The following IMPG1 variants were observed in gnomAD, a reference collection of about 807,000 sequenced individuals.
IMPG1 encodes interphotoreceptor matrix proteoglycan 1.
Under a neutral mutation model 92.0 loss-of-function variants are expected in IMPG1, and 85 were observed. The observed-to-expected ratio is 0.92, with a 90% CI of 0.78 to 1.11. The LOEUF (loss-of-function observed/expected upper bound fraction) is 1.11, where lower values mean the gene tolerates loss of function less well. IMPG1 is among the 50% of genes least tolerant of loss of function. The probability of loss-of-function intolerance (pLI) is 0.00; values close to 1 mark genes in which losing one functional copy is unlikely to be tolerated. For synonymous variants in IMPG1, 367 were observed against 334.1 expected (o/e 1.10, Z -1.08); for missense variants, 1,022 against 956.0 (o/e 1.07, Z -0.91).
At chr6:76,023,692 T>C (rs1188210773) in intron 5 of IMPG1, among the ~76,000 whole-genome samples, 1 of 152,178 alleles carries the variant, frequency 6.6e-6, no homozygotes, top group African/African-American at 2.4e-5. Context: ...TATATGGTGA[T>C]GATATATCAT....
intron 1 of IMPG1, among the ~76,000 whole-genome samples, chr6:76,064,370 C>CTTTTTTTTTT (rs10706748): frequency 1.5e-5 from 2 of 130,524 alleles, no homozygotes; most frequent in African/African-American, 5.7e-5. Context: ...ATTTTTTTTT[C>CTTTTTTTTTT]TTTTTTTTTT....
At chr6:76,038,412 C>G (rs911113933) in intron 2 of IMPG1, among the ~76,000 whole-genome samples, 2 of 152,058 alleles carry the variant, frequency 1.3e-5, no homozygotes, top group East Asian at 1.9e-4. Context: ...GGCAGGCTTT[C>G]TTTTTTTGTG....
At chr6:75,978,966 C>T (rs766077155) in intron 12 of IMPG1, among the ~76,000 whole-genome samples, 41 of 152,216 alleles carry the variant, frequency 2.7e-4, no homozygotes, top group African/African-American at 9.1e-4. Context: ...GGCTGGAATG[C>T]GGTGACATGA....
intron 1 of IMPG1, among the ~76,000 whole-genome samples, chr6:76,063,664 A>G (rs969742399): frequency 6.6e-6 from 1 of 152,214 alleles, no homozygotes; most frequent in Non-Finnish European, 1.5e-5. Context: ...TGAATGACTG[A>G]GTTCTGCCCA....
chr6:75,980,151 G>A lies in IMPG1; in HGVS notation c.1291+22767C>T, dbSNP rs148886920. On this transcript the variant is annotated intron_variant, in intron 12 of 16. Coordinates refer to ENST00000369950, the MANE Select transcript of IMPG1 (RefSeq NM_001563.4). ...TATTTAAAAAGATGTGCCACAAAAT[G>A]TGAAAATTTGAAGGAGAAATTGGAT... is the stretch of plus-strand genomic sequence containing the variant. Among the ~76,000 whole-genome samples, 7 of 152,284 alleles carry A rather than the reference G, an allele frequency of 4.6e-5. No homozygotes were observed. In the South Asian group the frequency reaches 1.0e-3, roughly 23 times the overall value.
At chr6:75,981,593 G>A (rs902533963) in intron 12 of IMPG1, among the ~76,000 whole-genome samples, 1 of 152,186 alleles carries the variant, frequency 6.6e-6, no homozygotes, top group African/African-American at 2.4e-5. Context: ...CTCATAAAAA[G>A]AGAACTGGTA....
intron 4 of IMPG1, among the ~76,000 whole-genome samples, chr6:76,031,776 C>A (rs1783656393): frequency 6.6e-6 from 1 of 152,070 alleles, no homozygotes; most frequent in South Asian, 2.1e-4. Context: ...AAAAAGTAAC[C>A]AAGAAGAATA....
At position 75,997,702 on chromosome 6, in the gene IMPG1, G is replaced by A. The variant is rs192546515; in HGVS notation, c.1291+5216C>T. Among the ~76,000 whole-genome samples, 239 of 152,230 alleles carry A rather than the reference G, an allele frequency of 1.6e-3. 3 individuals are homozygous for A. Among genetic ancestry groups the A allele is most frequent in the African/African-American group, 5.5e-3 (230 of 41,516 alleles). Reference sequence around the variant, plus strand: ...TAGTACTGATAGGCCCAACAAGGTCGACAGCAGTGACAAATAGTTATGAAA... The same window carrying A: ...TAGTACTGATAGGCCCAACAAGGTCAACAGCAGTGACAAATAGTTATGAAA... On this transcript the variant is annotated intron_variant, in intron 12 of 16. Coordinates refer to ENST00000369950, the MANE Select transcript of IMPG1 (RefSeq NM_001563.4).
intron 4 of IMPG1, among the ~76,000 whole-genome samples, chr6:76,026,313 C>G (rs181106665): frequency 1.7e-4 from 26 of 152,294 alleles, no homozygotes; most frequent in Non-Finnish European, 3.1e-4. Flanking sequence ...TGGCGCCCAA[C>G]GTGGGGCTCG....
At chr6:76,039,024 C>G (rs928336603) in intron 2 of IMPG1, among the ~76,000 whole-genome samples, 1 of 152,210 alleles carries the variant, frequency 6.6e-6, no homozygotes, top group Non-Finnish European at 1.5e-5. Context: ...GAGTTCTACC[C>G]CCGTTCTGCT....
rs926167061 is a variant in IMPG1 at position 75,986,366 on chromosome 6, GA to G, written c.1291+16551del. Among the ~76,000 whole-genome samples, 26 of 150,128 alleles carry G rather than the reference GA, an allele frequency of 1.7e-4. 1 individual carries two copies. Among genetic ancestry groups the G allele is most frequent in the Middle Eastern group, 6.8e-3 (2 of 292 alleles). Reference sequence around the variant, plus strand: ...TTCATGAAAAAGTATTCTAAGAATTGAAAAAAAAATCCCACTATGGACTGAA... The same window carrying G: ...TTCATGAAAAAGTATTCTAAGAATTGAAAAAAAATCCCACTATGGACTGAA... On this transcript the variant is annotated intron_variant, in intron 12 of 16. Transcript: ENST00000369950.
intron 12 of IMPG1, among the ~76,000 whole-genome samples, chr6:75,954,010 C>T (rs1782077868): frequency 6.6e-6 from 1 of 152,196 alleles, no homozygotes; most frequent in Non-Finnish European, 1.5e-5. Flanking sequence ...TCCAGTCTAT[C>T]ATTGATGGGC....
At chr6:75,984,980 G>A (rs1782689567) in intron 12 of IMPG1, among the ~76,000 whole-genome samples, 3 of 152,140 alleles carry the variant, frequency 2.0e-5, no homozygotes, top group Non-Finnish European at 4.4e-5. Flanking sequence ...CCTGCAGAAC[G>A]GCAAGCCAAT....
rs552793096 is a variant in IMPG1, at chr6:75,994,721, C to T, written c.1291+8197G>A. Among the ~76,000 whole-genome samples the T allele has an allele frequency of 2.0e-5, 3 of 152,234 alleles. No homozygotes were observed. In the South Asian group the frequency reaches 6.2e-4, roughly 32 times the overall value. ...TGATTCAATTACCTCTGGGTGGGTC[C>T]CTCCCATGACACATGGGAATTGTGG... On this transcript the variant is annotated intron_variant, in intron 12 of 16. Transcript: ENST00000369950.
At chr6:76,038,824 G>A (rs1783786893) in intron 2 of IMPG1, among the ~76,000 whole-genome samples, 1 of 152,228 alleles carries the variant, frequency 6.6e-6, no homozygotes, top group African/African-American at 2.4e-5. Flanking sequence ...GTCATTTGAT[G>A]ATGCAGGAAG....
intron 12 of IMPG1, among the ~76,000 whole-genome samples, chr6:75,984,968 A>G (rs1469148243): frequency 3.3e-5 from 5 of 152,236 alleles, no homozygotes; most frequent in Non-Finnish European, 4.4e-5. Flanking sequence ...ATGTTTGTAC[A>G]GCCTGCAGAA....
At chr6:76,043,059 TGAAA>T (rs1783872411) in intron 1 of IMPG1, among the ~76,000 whole-genome samples, 1 of 152,144 alleles carries the variant, frequency 6.6e-6, no homozygotes, top group South Asian at 2.1e-4. Flanking sequence ...CATATAAATG[TGAAA>T]GAAAGACCTA....
intron 4 of IMPG1, among the ~76,000 whole-genome samples, chr6:76,026,502 C>T (rs958791736): frequency 9.9e-5 from 15 of 152,180 alleles, no homozygotes; most frequent in East Asian, 1.9e-4. Context: ...AGCAGCTCCC[C>T]GCTGCTCTCC....
rs1582132726 is a variant in IMPG1 at position 76,053,789 on chromosome 6, C to A, written c.68-11663G>T. 2.6e-5 allele frequency among the ~76,000 whole-genome samples: 4 copies of A among 152,098 alleles called. No individual in the cohort carries two copies. The South Asian group carries it at 8.3e-4, about 32-fold the overall frequency. ...CATGATTATAATTTTACAAACCACA[C>A]ACTACTCTTTGGTTTTATTGCTATC... On this transcript the variant is annotated intron_variant, in intron 1 of 16. Coordinates refer to ENST00000369950, the MANE Select transcript of IMPG1 (RefSeq NM_001563.4).
Sources: allele counts gnomAD v4.1 joint callset (sites outside exome capture counted in the v4.1 genomes callset), GRCh38; gene constraint gnomAD v4.1.1; transcripts MANE v1.5; gene names NCBI Gene and HGNC (gene_info 2026-07-23, HGNC 2026-07-21).